OPCML: variants seen among roughly 807,000 people sequenced by gnomAD.
The protein encoded by OPCML is opioid binding protein/cell adhesion molecule like, also known as opioid-binding protein/cell adhesion molecule.
Under a neutral mutation model 37.8 loss-of-function variants are expected in OPCML, and 13 were observed. The observed-to-expected ratio is 0.34, with a 90% CI of 0.22 to 0.55. The LOEUF is 0.55. Ranked by LOEUF, OPCML falls within the 20% of genes least tolerant of loss-of-function variation. The pLI is 0.91. For synonymous variants in OPCML, 176 were observed against 168.8 expected, an observed-to-expected ratio of 1.04 and a Z score of -0.33; for missense variants, 341 against 435.6, an observed-to-expected ratio of 0.78 and a Z score of 1.93.
At chr11:132,833,545 T>A (rs1940836934) in intron 2 of OPCML, among the ~76,000 whole-genome samples, 3 of 152,214 alleles carry the variant, frequency 2.0e-5, no homozygotes, top group Admixed American at 1.3e-4. Context: ...TGATAAAAGG[T>A]GTGGTGATGT....
chr11:133,484,472 G>C (rs998657420), intron 1 of OPCML, among the ~76,000 whole-genome samples: 1 of 152,098 alleles, frequency 6.6e-6, no homozygotes, highest in Non-Finnish European at 1.5e-5. Context: ...ACACCTAGAA[G>C]TGACAGCCAA....
intron 1 of OPCML, among the ~76,000 whole-genome samples, chr11:133,397,031 G>A (rs1945302014): frequency 6.6e-6 from 1 of 152,188 alleles, no homozygotes; most frequent in African/African-American, 2.4e-5. Context: ...CGTGCACATA[G>A]TAGCACTCCA....
chr11:132,822,091 C>T (rs1369375336), intron 2 of OPCML, among the ~76,000 whole-genome samples: 2 of 152,166 alleles, frequency 1.3e-5, no homozygotes, highest in Admixed American at 6.5e-5. Context: ...ATCCTCAGAC[C>T]AGCAAGCCTG....
chr11:133,070,466 CT>C (rs1296781090), intron 1 of OPCML, among the ~76,000 whole-genome samples: 2 of 152,176 alleles, frequency 1.3e-5, no homozygotes, highest in African/African-American at 4.8e-5. Context: ...AAAGTGAATG[CT>C]GACTTCCACC....
At chr11:132,748,769 C>G (rs1437279291) in intron 2 of OPCML, among the ~76,000 whole-genome samples, 2 of 152,138 alleles carry the variant, frequency 1.3e-5, no homozygotes, top group African/African-American at 2.4e-5. Flanking sequence ...TCTTCCTGTT[C>G]TGCGGAGAGG....
chr11:132,955,275 C>T (rs1192646753), intron 1 of OPCML, among the ~76,000 whole-genome samples: 1 of 152,092 alleles, frequency 6.6e-6, no homozygotes, highest in African/African-American at 2.4e-5. Context: ...GTACAGCTGC[C>T]TGTGTTCATC....
At chr11:132,578,578 T>C (rs2096455858) in intron 3 of OPCML, among the ~76,000 whole-genome samples, 1 of 152,232 alleles carries the variant, frequency 6.6e-6, no homozygotes, top group Non-Finnish European at 1.5e-5. Context: ...TAAGCCATCC[T>C]TGTTGAATGT....
chr11:133,528,390 T>TC (rs1295130993), intron 1 of OPCML, among the ~76,000 whole-genome samples: 1 of 152,230 alleles, frequency 6.6e-6, no homozygotes, highest in Admixed American at 6.5e-5. Flanking sequence ...AGATGCTCTG[T>TC]CCTTGTTCCT....
intron 1 of OPCML, among the ~76,000 whole-genome samples, chr11:133,037,997 T>C (rs1225056097): frequency 6.6e-6 from 1 of 152,234 alleles, no homozygotes; most frequent in African/African-American, 2.4e-5. Flanking sequence ...TGCATGCTAC[T>C]AGGAGGAGGA....
intron 2 of OPCML, among the ~76,000 whole-genome samples, chr11:132,683,015 T>G (rs1943018949): frequency 6.6e-6 from 1 of 152,242 alleles, no homozygotes; most frequent in African/African-American, 2.4e-5. Context: ...ATTCTCATTC[T>G]AGATTTTGAT....
chr11:133,089,789 T>C (rs1217347036), intron 1 of OPCML, among the ~76,000 whole-genome samples: 2 of 151,810 alleles, frequency 1.3e-5, no homozygotes, highest in Non-Finnish European at 2.9e-5. Context: ...CAGTGGCTTA[T>C]GTTTGATAGA....
chr11:133,008,621 T>C (rs1448136892), intron 1 of OPCML, among the ~76,000 whole-genome samples: 2 of 152,204 alleles, frequency 1.3e-5, no homozygotes, highest in African/African-American at 2.4e-5. Context: ...AGCCCACTTC[T>C]AGGACTAGGG....
intron 2 of OPCML, among the ~76,000 whole-genome samples, chr11:132,932,098 G>A (rs182557604): frequency 6.6e-6 from 1 of 152,262 alleles, no homozygotes; most frequent in Admixed American, 6.5e-5. Context: ...AAGAAAAGTA[G>A]TACAATAGAA....
At chr11:132,707,889 G>A (rs1172084227) in intron 2 of OPCML, among the ~76,000 whole-genome samples, 1 of 152,082 alleles carries the variant, frequency 6.6e-6, no homozygotes, top group East Asian at 1.9e-4. Flanking sequence ...TAACCATTGA[G>A]CCTGAAAACA....
intron 1 of OPCML, among the ~76,000 whole-genome samples, chr11:133,321,029 C>T (rs552117139): frequency 1.3e-5 from 2 of 152,244 alleles, no homozygotes; most frequent in Non-Finnish European, 2.9e-5. Context: ...CTTAAGGAGA[C>T]TTTAACAACC....
intron 1 of OPCML, among the ~76,000 whole-genome samples, chr11:133,442,979 T>C (rs1946395207): frequency 6.6e-6 from 1 of 152,172 alleles, no homozygotes; most frequent in Non-Finnish European, 1.5e-5. Flanking sequence ...TAGCTATTCT[T>C]TGAATCTTTT....
At chr11:133,108,584 C>G (rs1396678272) in intron 1 of OPCML, among the ~76,000 whole-genome samples, 1 of 152,092 alleles carries the variant, frequency 6.6e-6, no homozygotes, top group Non-Finnish European at 1.5e-5. Context: ...ATTATACACA[C>G]ACACACGCAC....
At chr11:133,137,418 T>C (rs1262135562) in intron 1 of OPCML, among the ~76,000 whole-genome samples, 1 of 152,228 alleles carries the variant, frequency 6.6e-6, no homozygotes, top group African/African-American at 2.4e-5. Flanking sequence ...ACTTTTCTTC[T>C]AAAGATGTTG....
At chr11:132,708,546 G>T (rs915431269) in intron 2 of OPCML, among the ~76,000 whole-genome samples, 4 of 152,140 alleles carry the variant, frequency 2.6e-5, no homozygotes, top group Admixed American at 2.0e-4. Context: ...ATTAACAAAA[G>T]AACTGAAAAT....
Sources: gnomAD v4.1 joint callset for allele counts (sites outside exome capture counted in the v4.1 genomes callset) on GRCh38, gnomAD v4.1.1 for gene constraint, MANE v1.5 for transcripts, NCBI Gene and HGNC (gene_info 2026-07-23, HGNC 2026-07-21) for gene names.